Variants in EYS observed in about 807,000 individuals in gnomAD.
EYS encodes the protein protein eyes shut homolog.
EYS carries 250 observed loss-of-function variants against 282.1 expected under a neutral mutation model. That is an observed-to-expected ratio of 0.89 (90% CI 0.80 to 0.98). The LOEUF is 0.98. EYS is among the 50% of genes least tolerant of loss of function. EYS has a pLI of 0.00. For synonymous variants in EYS, 1,355 were observed against 1,282.9 expected, an observed-to-expected ratio of 1.06 and a Z score of -1.20; for missense variants, 4,016 against 3,709.0, an observed-to-expected ratio of 1.08 and a Z score of -2.15.
intron 26 of EYS, among the ~76,000 whole-genome samples, chr6:64,443,572 T>C (rs745763555): frequency 3.3e-5 from 5 of 152,296 alleles, no homozygotes; most frequent in Non-Finnish European, 5.9e-5. Context: ...TTCTCACATG[T>C]TGTAGGAGGA....
At chr6:65,485,099 C>T (rs182867986) in intron 5 of EYS, among the ~76,000 whole-genome samples, 264 of 152,260 alleles carry the variant, frequency 1.7e-3, no homozygotes, top group African/African-American at 6.1e-3. Context: ...ACAATAAATA[C>T]TTACTTTTTA....
chr6:64,104,747 C>CT (rs11374423), intron 31 of EYS, among the ~76,000 whole-genome samples: 15,113 of 133,562 alleles, frequency 0.11, 1,928 homozygotes, highest in African/African-American at 0.32. Flanking sequence ...TTCTGGCAAG[C>CT]TTTTTTTTTT....
chr6:65,339,608 C>A (rs941453547), intron 10 of EYS, among the ~76,000 whole-genome samples: 1 of 151,110 alleles, frequency 6.6e-6, no homozygotes, highest in Non-Finnish European at 1.5e-5. Context: ...CAGGCATACA[C>A]TGGGGTCTTG....
chr6:65,028,051 TGCATCACA>T (rs1323121164), intron 13 of EYS, among the ~76,000 whole-genome samples: 1 of 152,164 alleles, frequency 6.6e-6, no homozygotes, highest in Non-Finnish European at 1.5e-5. Flanking sequence ...TGAGTTCTTC[TGCATCACA>T]AGCATTTACT....
chr6:65,599,159 T>C, intron 2 of EYS, among the ~76,000 whole-genome samples: 1 of 152,072 alleles, frequency 6.6e-6, no homozygotes, highest in East Asian at 1.9e-4. Flanking sequence ...ATACTATGTT[T>C]CTATCTGATT....
At chr6:64,890,247 T>A (rs1767245784) in intron 18 of EYS, among the ~76,000 whole-genome samples, 1 of 152,142 alleles carries the variant, frequency 6.6e-6, no homozygotes, top group South Asian at 2.1e-4. Flanking sequence ...TCATTAGCAA[T>A]TTTAATTTCG....
Position 65,027,896 on chromosome 6 carries a change from C to T in EYS, c.2137+29718G>A, listed in dbSNP as rs866676056. ...ACCCTATAAACATTTGCATATATAA[C>T]AAAATCTTTATTTCACTTGAGTAAA... On this transcript the variant is annotated intron_variant, in intron 13 of 42. Coordinates refer to ENST00000503581, the MANE Select transcript of EYS (RefSeq NM_001142800.2). 1.4e-4 allele frequency among the ~76,000 whole-genome samples: 21 copies of T among 152,198 alleles called. No individual in the cohort carries two copies. In the Middle Eastern group the frequency reaches 0.01, roughly 74 times the overall value.
At chr6:64,829,124 A>G (rs1259054900) in intron 19 of EYS, among the ~76,000 whole-genome samples, 1 of 151,986 alleles carries the variant, frequency 6.6e-6, no homozygotes, top group Non-Finnish European at 1.5e-5. Context: ...TCAGGGAAAT[A>G]TGAGAAAGAA....
At chr6:64,782,182 A>T (rs748998047) in intron 22 of EYS, among the ~76,000 whole-genome samples, 1 of 152,222 alleles carries the variant, frequency 6.6e-6, no homozygotes, top group Non-Finnish European at 1.5e-5. Context: ...AACAAAATAG[A>T]TTATCATCTG....
At chr6:64,363,255 C>T (rs954198029) in intron 29 of EYS, among the ~76,000 whole-genome samples, 2 of 151,876 alleles carry the variant, frequency 1.3e-5, no homozygotes, top group Non-Finnish European at 2.9e-5. Context: ...GTAAGATATA[C>T]ATTTTTTTAT....
At chr6:64,292,464 GT>G (rs1239697677) in intron 30 of EYS, among the ~76,000 whole-genome samples, 1 of 152,062 alleles carries the variant, frequency 6.6e-6, no homozygotes, top group African/African-American at 2.4e-5. Flanking sequence ...GGGGTTAAGG[GT>G]TTCCGGAATA....
At chr6:65,412,841 A>G (rs1767076867) in intron 5 of EYS, among the ~76,000 whole-genome samples, 3 of 152,080 alleles carry the variant, frequency 2.0e-5, no homozygotes, top group South Asian at 4.1e-4. Flanking sequence ...TGATTTATCT[A>G]TTTAGTTTTT....
intron 2 of EYS, 44 bp downstream of exon 2, chr6:65,639,734 T>C (rs1767214941): frequency 6.6e-6 from 1 of 152,144 alleles, no homozygotes; most frequent in South Asian, 2.1e-4. Flanking sequence ...GGCAAGATTA[T>C]AAAAACACAG....
intron 26 of EYS, among the ~76,000 whole-genome samples, chr6:64,493,393 C>G (rs959368349): frequency 8.6e-5 from 13 of 151,404 alleles, no homozygotes; most frequent in Admixed American, 4.0e-4. Flanking sequence ...AAAAGCCAAA[C>G]TATTGACTAA....
intron 2 of EYS, among the ~76,000 whole-genome samples, chr6:65,510,128 G>A (rs931234741): frequency 8.7e-5 from 13 of 149,070 alleles, no homozygotes; most frequent in South Asian, 6.4e-4. Context: ...CCACTAACTC[G>A]TCATCTAGCA....
intron 18 of EYS, among the ~76,000 whole-genome samples, chr6:64,890,054 C>CT (rs889655284): frequency 1.0e-4 from 15 of 150,192 alleles, no homozygotes; most frequent in Admixed American, 3.3e-4. Context: ...TGCCCCCCCC[C>CT]CCCAAGGTGT....
chr6:65,659,089 A>T (rs532471272), intron 1 of EYS, among the ~76,000 whole-genome samples: 7 of 151,646 alleles, frequency 4.6e-5, no homozygotes, highest in African/African-American at 1.7e-4. Flanking sequence ...CTCTTGATTT[A>T]TTTAATTTAT....
chr6:65,555,552 T>C (rs1321689996), intron 2 of EYS, among the ~76,000 whole-genome samples: 4 of 152,302 alleles, frequency 2.6e-5, no homozygotes, highest in African/African-American at 4.8e-5. Flanking sequence ...TTGACACTTT[T>C]ATTAAAAACA....
At chr6:64,128,288 A>G (rs555564071) in intron 31 of EYS, among the ~76,000 whole-genome samples, 2 of 152,264 alleles carry the variant, frequency 1.3e-5, no homozygotes, top group Admixed American at 6.5e-5. Context: ...CCCTAACTGC[A>G]TCTTTAAAAT....
Sources: allele counts gnomAD v4.1 joint callset (sites outside exome capture counted in the v4.1 genomes callset), GRCh38; gene constraint gnomAD v4.1.1; transcripts MANE v1.5; gene names NCBI Gene and HGNC (gene_info 2026-07-23, HGNC 2026-07-21).